LRIF1: variants seen among roughly 807,000 people sequenced by gnomAD.
LRIF1 encodes ligand dependent nuclear receptor interacting factor 1.
Under a neutral mutation model 52.7 loss-of-function variants are expected in LRIF1, and 32 were observed. That is an observed-to-expected ratio of 0.61 (90% CI 0.46 to 0.82). The LOEUF (loss-of-function observed/expected upper bound fraction) is 0.82, where lower values mean the gene tolerates loss of function less well. LRIF1 is among the 40% of genes least tolerant of loss of function. LRIF1 has a pLI of 0.00. For missense variants in LRIF1, 887 were observed against 892.0 expected (o/e 0.99, Z 0.07); for synonymous variants, 323 against 317.4 (o/e 1.02, Z -0.19).
At chr1:110,888,394 A>G in the LRIF1 span, among the ~76,000 whole-genome samples, 2 of 152,046 alleles carry the variant, frequency 1.3e-5, no homozygotes, top group Non-Finnish European at 2.9e-5. Flanking sequence ...CTCTCCCTCT[A>G]TGCTCCATGG....
intron 1 of LRIF1, among the ~76,000 whole-genome samples, chr1:110,957,841 A>G (rs966529342): frequency 6.6e-6 from 1 of 152,186 alleles, no homozygotes; most frequent in Non-Finnish European, 1.5e-5. Context: ...CAAAAGGCAA[A>G]CATTTAATAA....
At chr1:110,946,588 C>A (rs891584438), downstream of LRIF1, among the ~76,000 whole-genome samples, 1 of 145,282 alleles carries the variant, frequency 6.9e-6, no homozygotes, top group African/African-American at 2.5e-5. Context: ...CTGATTTACT[C>A]TTTTGTTGCC....
chr1:110,892,562 C>G, the LRIF1 span: 1 of 1,569,804 alleles, frequency 6.4e-7, no homozygotes, highest in South Asian at 1.1e-5. Flanking sequence ...TGTGGTGCCC[C>G]AAGTCGGGGA....
At chr1:110,913,615 G>A in the LRIF1 span, among the ~76,000 whole-genome samples, 1 of 152,128 alleles carries the variant, frequency 6.6e-6, no homozygotes, top group Non-Finnish European at 1.5e-5. Context: ...CAGTCAGAAT[G>A]GCTATTACTA....
chr1:110,952,904 A>AT, intron 1 of LRIF1, 89 bp from the exon 2 acceptor site: 1 of 753,158 alleles, frequency 1.3e-6, no homozygotes, highest in Non-Finnish European at 1.8e-6. Context: ...ATTTGTAAAT[A>AT]TTAAAATAAA....
chr1:110,892,651 G>T, the LRIF1 span: 5 of 866,744 alleles, frequency 5.8e-6, no homozygotes, highest in African/African-American at 5.1e-5. Context: ...AAATGAGATT[G>T]GTACCTCAGA....
the LRIF1 span, chr1:110,896,813 A>G: frequency 8.4e-7 from 1 of 1,183,728 alleles, no homozygotes. Context: ...GTCATAGAGG[A>G]CCTAGACCTT....
chr1:110,959,570 T>C (rs1357015758), intron 1 of LRIF1, among the ~76,000 whole-genome samples: 1 of 151,482 alleles, frequency 6.6e-6, no homozygotes, highest in Non-Finnish European at 1.5e-5. Flanking sequence ...GCCAACATGG[T>C]GAAACCCCGT....
chr1:110,896,614 A>T, the LRIF1 span: 2 of 1,589,408 alleles, frequency 1.3e-6, no homozygotes, highest in Non-Finnish European at 1.7e-6. Flanking sequence ...TTCACTGTTG[A>T]CTTTCTAACC....
At chr1:110,922,076 T>A in the LRIF1 span, among the ~76,000 whole-genome samples, 1 of 152,188 alleles carries the variant, frequency 6.6e-6, no homozygotes, top group East Asian at 1.9e-4. Flanking sequence ...CATGTGGTAT[T>A]TGGTTTTGAG....
the LRIF1 span, among the ~76,000 whole-genome samples, chr1:110,905,802 A>G: frequency 1.5e-5 from 2 of 136,456 alleles, no homozygotes; most frequent in Non-Finnish European, 3.3e-5. Context: ...ACTAAATAAT[A>G]AATCAAAAAT....
chr1:110,935,575 A>C, the LRIF1 span, among the ~76,000 whole-genome samples: 2 of 152,224 alleles, frequency 1.3e-5, no homozygotes, highest in African/African-American at 2.4e-5. Context: ...ATGCATCAGA[A>C]TATTTTAATA....
chr1:110,951,612 C>T lies in LRIF1; in HGVS notation c.1272G>A (p.Met424Ile). 6.2e-7 allele frequency: 1 copy of T among 1,614,062 alleles called. No homozygotes were observed. Among genetic ancestry groups the T allele is most frequent in the Non-Finnish European group, 8.5e-7 (1 of 1,180,010 alleles). Residue 424 changes from methionine (M) to isoleucine (I), a missense_variant, in exon 2 of 4, where the codon ATG becomes ATA. Physicochemically the swap from Met to Ile is conservative, Grantham distance 10 (BLOSUM62 1). Coordinates refer to ENST00000369763, the MANE Select transcript of LRIF1 (RefSeq NM_018372.4). ...IVLAKSKSSQ[M>I]ETKSLSNTQL... ...GGGTATTGGAAAGTGATTTTGTCTC[C>T]ATCTGGGAAGATTTACTTTTAGCCA...
the LRIF1 span, among the ~76,000 whole-genome samples, chr1:110,895,245 T>G: frequency 1.3e-5 from 2 of 152,218 alleles, no homozygotes; most frequent in African/African-American, 2.4e-5. Flanking sequence ...GTTCTCTACA[T>G]TCTCTCTTTC....
chr1:110,896,987 T>C, the LRIF1 span, among the ~76,000 whole-genome samples: 1 of 152,244 alleles, frequency 6.6e-6, no homozygotes, highest in African/African-American at 2.4e-5. Context: ...GTTACTTTTG[T>C]GTGAAAGTAG....
At chr1:110,916,253 C>A in the LRIF1 span, among the ~76,000 whole-genome samples, 1 of 151,912 alleles carries the variant, frequency 6.6e-6, no homozygotes, top group Non-Finnish European at 1.5e-5. Context: ...ATAATAATAT[C>A]TTGCAAAGTT....
At chr1:110,901,844 C>A in the LRIF1 span, among the ~76,000 whole-genome samples, 1 of 152,216 alleles carries the variant, frequency 6.6e-6, no homozygotes, top group Non-Finnish European at 1.5e-5. Flanking sequence ...TGAAACTTAT[C>A]ATTCTATCTT....
rs749424446 is a variant in LRIF1 at position 110,950,119 on chromosome 1, T to C, written c.1601A>G (p.His534Arg). ...ATCTGATGTTGATGCCATCTCATTA[T>C]GGATCTGGAATTAGGAAAAGAAAAC... ...CVFRDQEPKI[H>R]NEMASTSDKG... is the part of the protein sequence containing the mutation. The change falls in exon 3 of 4, where the codon CAT becomes CGT. Residue 534 changes from histidine to arginine, a missense_variant. His to Arg is a conservative substitution (Grantham distance 29, BLOSUM62 0). Transcript: ENST00000369763. 16 of 1,608,950 alleles carry C rather than the reference T, an allele frequency of 9.9e-6. No individual in the cohort carries two copies. Among genetic ancestry groups the C allele is most frequent in the African/African-American group, 5.4e-5 (4 of 74,730 alleles).
the LRIF1 span, among the ~76,000 whole-genome samples, chr1:110,929,580 A>G: frequency 6.6e-6 from 1 of 151,850 alleles, no homozygotes; most frequent in African/African-American, 2.4e-5. Flanking sequence ...AAAGTGTCTG[A>G]TCATGTACTT....
Sources: allele counts gnomAD v4.1 joint callset (sites outside exome capture counted in the v4.1 genomes callset), GRCh38; gene constraint gnomAD v4.1.1; transcripts MANE v1.5; gene names NCBI Gene and HGNC (gene_info 2026-07-23, HGNC 2026-07-21).